OXR1: variants seen among roughly 807,000 people sequenced by gnomAD.
OXR1 encodes oxidation resistance protein 1.
A neutral mutation model predicts 104.6 loss-of-function variants in OXR1; 41 were observed. The observed-to-expected ratio is 0.39, with a 90% CI of 0.31 to 0.51. The LOEUF is 0.51. Ranked by LOEUF, OXR1 falls within the 20% of genes least tolerant of loss-of-function variation. The pLI, the probability that OXR1 is intolerant of heterozygous loss-of-function variation, is 0.77. For synonymous variants in OXR1, 348 were observed against 348.4 expected (o/e 1.00, Z 0.01); for missense variants, 955 against 1,031.9 (o/e 0.93, Z 1.02).
At chr8:106,695,473 G>A (rs185802712) in intron 7 of OXR1, among the ~76,000 whole-genome samples, 26 of 149,670 alleles carry the variant, frequency 1.7e-4, no homozygotes, top group Middle Eastern at 3.4e-3. Flanking sequence ...GCTGGAGTGC[G>A]GTGGCCTGAT....
chr8:106,638,319 A>G (rs1297156596), intron 3 of OXR1, among the ~76,000 whole-genome samples: 1 of 151,432 alleles, frequency 6.6e-6, no homozygotes, highest in African/African-American at 2.4e-5. Flanking sequence ...CCAAGAAGCC[A>G]TGTCGTATTT....
intron 2 of OXR1, among the ~76,000 whole-genome samples, chr8:106,503,707 T>C (rs1255437639): frequency 6.6e-6 from 1 of 152,272 alleles, no homozygotes; most frequent in Non-Finnish European, 1.5e-5. Context: ...CCGGTGAGTA[T>C]GCTGAAACCT....
Position 106,707,212 on chromosome 8 carries a change from A to G in OXR1, c.1624+67A>G, listed in dbSNP as rs1264337602. 8 of 1,479,218 alleles carry G rather than the reference A, an allele frequency of 5.4e-6. No individual in the cohort carries two copies. In the East Asian group the frequency reaches 1.8e-4, roughly 34 times the overall value. 91.6% of individuals were successfully genotyped at this position (1,479,218 alleles called of 1,614,324 possible). On this transcript the variant is annotated intron_variant, in intron 9 of 16. Transcript: ENST00000517566. ...ATGGTGTCTCCGTCTTTCCTCACTG[A>G]CTCAAAAGCCGCTGTACCTTAGGGC... is the stretch of plus-strand genomic sequence containing the variant.
chr8:106,750,179 A>C (rs2131612608), intron 16 of OXR1, among the ~76,000 whole-genome samples: 1 of 151,922 alleles, frequency 6.6e-6, no homozygotes, highest in Admixed American at 6.6e-5. Flanking sequence ...CATACTAAAA[A>C]AAATACCCAA....
intron 11 of OXR1, among the ~76,000 whole-genome samples, chr8:106,731,373 A>T (rs1833878429): frequency 6.6e-6 from 1 of 152,020 alleles, no homozygotes; most frequent in African/African-American, 2.4e-5. Context: ...TGTCTTTTTC[A>T]TTCTCTTGAC....
chr8:106,554,936 A>G (rs1816147467), intron 3 of OXR1, among the ~76,000 whole-genome samples: 1 of 152,202 alleles, frequency 6.6e-6, no homozygotes, highest in African/African-American at 2.4e-5. Flanking sequence ...TTTAAAGTAT[A>G]CAACAGGATA....
chr8:106,302,011 T>G (rs74356494), intron 1 of OXR1, among the ~76,000 whole-genome samples: 13,255 of 152,214 alleles, frequency 0.087, 660 homozygotes, highest in African/African-American at 0.13. Flanking sequence ...TTTGTTAAAT[T>G]ACTGATAATA....
chr8:106,697,477 C>T (rs1830158276), intron 7 of OXR1: 1 of 1,601,586 alleles, frequency 6.2e-7, no homozygotes, highest in African/African-American at 1.3e-5. Flanking sequence ...TGAGATGCCC[C>T]CCATCTGTAG....
chr8:106,277,585 G>A (rs987077931), intron 1 of OXR1, among the ~76,000 whole-genome samples: 2 of 152,188 alleles, frequency 1.3e-5, no homozygotes, highest in Non-Finnish European at 2.9e-5. Context: ...AAGTGGAGCC[G>A]GGAGCTCTAT....
chr8:106,704,549 C>T (rs1047911526), intron 8 of OXR1, among the ~76,000 whole-genome samples: 1 of 151,798 alleles, frequency 6.6e-6, no homozygotes, highest in Non-Finnish European at 1.5e-5. Flanking sequence ...AGACACCTGC[C>T]ACCACATCTG....
chr8:106,418,227 C>T (rs181127556), intron 2 of OXR1, among the ~76,000 whole-genome samples: 1 of 152,090 alleles, frequency 6.6e-6, no homozygotes, highest in Admixed American at 6.5e-5. Flanking sequence ...ATTTTGTAAA[C>T]TTTAGTTTTT....
chr8:106,302,908 G>C (rs868069316), intron 1 of OXR1, among the ~76,000 whole-genome samples: 64 of 151,352 alleles, frequency 4.2e-4, no homozygotes, highest in African/African-American at 1.5e-3. Context: ...CCCGCCACCA[G>C]GCCCGGCTAA....
At position 106,737,690 on chromosome 8, in the gene OXR1, T is replaced by C. The variant is rs182226104; in HGVS notation, c.2037+90T>C. On this transcript the variant is annotated intron_variant, in intron 12 of 16. Transcript: ENST00000517566. ...TCATGGCAAATCTCATTTGAAGAATTTGCTTTGACTGCAGCACTAAAATTA... is the reference window on the plus strand; with the variant it reads ...TCATGGCAAATCTCATTTGAAGAATCTGCTTTGACTGCAGCACTAAAATTA... The C allele has an allele frequency of 2.6e-3, 1,159 of 451,898 alleles. 2 individuals are homozygous for C. Among genetic ancestry groups the C allele is most frequent in the Non-Finnish European group, 3.5e-3 (929 of 268,202 alleles). 28.0% of individuals were successfully genotyped at this position (451,898 alleles called of 1,614,324 possible). A position where few individuals can be genotyped will look rare whatever the true frequency, so the allele number is the denominator to read the frequency against.
At chr8:106,624,089 G>T (rs1372642821) in intron 3 of OXR1, among the ~76,000 whole-genome samples, 1 of 152,084 alleles carries the variant, frequency 6.6e-6, no homozygotes, top group African/African-American at 2.4e-5. Context: ...CTCCACCCTT[G>T]TTTCTCTGGA....
intron 2 of OXR1, among the ~76,000 whole-genome samples, chr8:106,491,746 T>G (rs1453224): frequency 0.16 from 24,402 of 152,092 alleles, 2,224 homozygotes; most frequent in African/African-American, 0.24. Flanking sequence ...CTTCTGGCAA[T>G]TGTGTCAACC....
At position 106,746,092 on chromosome 8, in the gene OXR1, G is replaced by GT. The variant is rs369838265; in HGVS notation, c.2486+233dup. 6.3e-3 allele frequency among the ~76,000 whole-genome samples: 959 copies of GT among 152,146 alleles called. 13 individuals are homozygous for GT. The highest frequency in any genetic ancestry group is 0.021 in the African/African-American group (873 of 41,518). On this transcript the variant is annotated intron_variant, in intron 16 of 16. Transcript: ENST00000517566. ...TAAAATACTGTTCAGTTTATTCACT[G>GT]TTTATTAAGACCCATCTTTTTCTTT...
intron 11 of OXR1, among the ~76,000 whole-genome samples, chr8:106,733,203 T>C (rs1490332370): frequency 6.6e-6 from 1 of 152,178 alleles, no homozygotes; most frequent in Non-Finnish European, 1.5e-5. Context: ...GTGTGACTTT[T>C]GGTGGTTTGT....
intron 2 of OXR1, among the ~76,000 whole-genome samples, chr8:106,451,822 T>C (rs1820328905): frequency 6.6e-6 from 1 of 152,230 alleles, no homozygotes; most frequent in South Asian, 2.1e-4. Flanking sequence ...AATAAGAATA[T>C]TCAAAAATGA....
chr8:106,415,476 A>G (rs1818631440), intron 2 of OXR1, among the ~76,000 whole-genome samples: 1 of 150,682 alleles, frequency 6.6e-6, no homozygotes, highest in Non-Finnish European at 1.5e-5. Context: ...TTCCTTTACC[A>G]TTTGGTAATT....
Sources: allele counts gnomAD v4.1 joint callset (sites outside exome capture counted in the v4.1 genomes callset), GRCh38; gene constraint gnomAD v4.1.1; transcripts MANE v1.5; gene names NCBI Gene and HGNC (gene_info 2026-07-23, HGNC 2026-07-21).